CNTN5: variants seen among roughly 807,000 people sequenced by gnomAD.
The protein encoded by CNTN5 is contactin 5.
Under a neutral mutation model 129.1 loss-of-function variants are expected in CNTN5, and 77 were observed. The ratio of observed to expected loss-of-function variants is 0.60; its 90% CI spans 0.50 to 0.72. The LOEUF (loss-of-function observed/expected upper bound fraction) is 0.72, where lower values mean the gene tolerates loss of function less well. Among genes scored for constraint, CNTN5 ranks in the 30% least tolerant of loss-of-function variants. CNTN5 has a pLI of 0.00. For missense variants in CNTN5, 1,478 were observed against 1,328.8 expected (o/e 1.11, Z -1.75); for synonymous variants, 509 against 465.6 (o/e 1.09, Z -1.20).
Position 100,227,690 on chromosome 11 carries a change from T to G in CNTN5, c.2005+2878T>G, listed in dbSNP as rs946189089. ...ATAGAATGAATATGTTAGAAAAAAT[T>G]ATTTTGCTGAAATATAAAAGGAAAT... On this transcript the variant is annotated intron_variant, in intron 16 of 24. Transcript: ENST00000524871. Among the ~76,000 whole-genome samples, 3 of 152,304 alleles carry G rather than the reference T, an allele frequency of 2.0e-5. No individual in the cohort carries two copies. The East Asian group carries it at 5.8e-4, about 29-fold the overall frequency.
chr11:99,463,144 T>TAAATAAATAAAA (rs1351510432), intron 2 of CNTN5, among the ~76,000 whole-genome samples: 3 of 147,852 alleles, frequency 2.0e-5, no homozygotes, highest in African/African-American at 5.0e-5. Context: ...AATAAATAAA[T>TAAATAAATAAAA]AAAAGTAAAA....
intron 6 of CNTN5, among the ~76,000 whole-genome samples, chr11:99,874,264 C>G (rs1948578526): frequency 6.6e-6 from 1 of 152,252 alleles, no homozygotes; most frequent in Non-Finnish European, 1.5e-5. Flanking sequence ...TTCCTCCGTT[C>G]CTTTCCTTTT....
chr11:100,276,737 A>G (rs778441998), intron 18 of CNTN5, among the ~76,000 whole-genome samples: 65 of 152,064 alleles, frequency 4.3e-4, no homozygotes, highest in Non-Finnish European at 8.7e-4. Context: ...TGATACAGGC[A>G]TACAATGCTT....
intron 3 of CNTN5, among the ~76,000 whole-genome samples, chr11:99,815,043 G>GCC (rs11414540): frequency 5.3e-5 from 8 of 151,836 alleles, no homozygotes; most frequent in Non-Finnish European, 1.0e-4. Flanking sequence ...GGGGGAAACT[G>GCC]CCCCCCTGAC....
intron 1 of CNTN5, among the ~76,000 whole-genome samples, chr11:99,127,656 C>T (rs746552149): frequency 2.6e-5 from 4 of 152,184 alleles, no homozygotes; most frequent in African/African-American, 4.8e-5. Context: ...CCTATTCCTT[C>T]GGCTCTTTGC....
intron 16 of CNTN5, among the ~76,000 whole-genome samples, chr11:100,254,846 A>G (rs7108211): frequency 0.034 from 5,215 of 152,290 alleles, 325 homozygotes; most frequent in African/African-American, 0.12. Context: ...TCAAAATAAA[A>G]CATTATTGTG....
intron 3 of CNTN5, among the ~76,000 whole-genome samples, chr11:99,587,656 A>T (rs2851592): frequency 0.97 from 148,048 of 152,268 alleles, 72,112 homozygotes; most frequent in East Asian, 1. Flanking sequence ...TGTTATGAAG[A>T]TGGGGGTCAT....
intron 4 of CNTN5, among the ~76,000 whole-genome samples, chr11:99,825,561 A>G (rs752614499): frequency 2.0e-5 from 3 of 152,058 alleles, no homozygotes; most frequent in Admixed American, 1.3e-4. Context: ...TGGATGAAGC[A>G]TATTTTGTGG....
intron 7 of CNTN5, among the ~76,000 whole-genome samples, chr11:99,923,774 T>C (rs550871277): frequency 6.6e-6 from 1 of 151,580 alleles, no homozygotes; most frequent in South Asian, 2.1e-4. Flanking sequence ...TATCTATCTA[T>C]CTATCTATCT....
chr11:99,478,846 A>G (rs1945481026), intron 2 of CNTN5, among the ~76,000 whole-genome samples: 1 of 152,166 alleles, frequency 6.6e-6, no homozygotes, highest in Non-Finnish European at 1.5e-5. Context: ...TCTATTTAAT[A>G]GATATATTTC....
intron 3 of CNTN5, among the ~76,000 whole-genome samples, chr11:99,617,680 T>C (rs1318989371): frequency 2.0e-5 from 3 of 152,144 alleles, no homozygotes; most frequent in Non-Finnish European, 4.4e-5. Context: ...ATTACCAAAT[T>C]CTGTGCATTA....
At position 100,297,677 on chromosome 11, in the gene CNTN5, G is replaced by C; in HGVS notation, c.2367G>C (p.Glu789Asp). 6.2e-7 allele frequency: 1 copy of C among 1,603,210 alleles called. No homozygotes were observed. Among genetic ancestry groups the C allele is most frequent in the Non-Finnish European group, 8.5e-7 (1 of 1,173,718 alleles). The change falls in exon 19 of 25, where the codon GAG becomes GAC. Residue 789 changes from glutamate (E) to aspartate (D), a missense_variant. By Grantham distance (45) the Glu-to-Asp change is conservative. Coordinates refer to ENST00000524871, the MANE Select transcript of CNTN5 (RefSeq NM_014361.4). ...GCGGAAGAAGTGGAAGAAGGCATGA[G>C]TTAGTCATTGCCTGGGAGGTAAGAA... The part of the protein sequence containing the change: ...NVSGRSGRRH[E>D]LVIAWEPVSE...
At chr11:100,329,860 G>A (rs1951868525) in intron 21 of CNTN5, among the ~76,000 whole-genome samples, 1 of 152,134 alleles carries the variant, frequency 6.6e-6, no homozygotes, top group African/African-American at 2.4e-5. Context: ...CTCTAACATA[G>A]TCTACCCAAA....
intron 3 of CNTN5, among the ~76,000 whole-genome samples, chr11:99,558,029 G>T (rs1948728849): frequency 6.6e-6 from 1 of 151,728 alleles, no homozygotes; most frequent in Non-Finnish European, 1.5e-5. Context: ...TAAGAGACAT[G>T]CAAGGAAAAA....
intron 13 of CNTN5, among the ~76,000 whole-genome samples, chr11:100,159,012 T>TAACA (rs1184689139): frequency 6.6e-6 from 1 of 151,866 alleles, no homozygotes. Flanking sequence ...AAGCTATATC[T>TAACA]AACAATATAG....
chr11:99,957,027 T>A lies in CNTN5; in HGVS notation c.877+18T>A, dbSNP rs765358335. On this transcript the variant is annotated intron_variant, in intron 8 of 24. Coordinates refer to ENST00000524871, the MANE Select transcript of CNTN5 (RefSeq NM_014361.4). ...TAATGATGGTAAGTTGCTTGGCCCG[T>A]TAAAATGGTCAGCCAACTCTAATTT... The A allele has an allele frequency of 6.2e-7, 1 of 1,606,714 alleles. No homozygotes were observed. Among genetic ancestry groups the A allele is most frequent in the Non-Finnish European group, 8.5e-7 (1 of 1,175,036 alleles).
intron 1 of CNTN5, among the ~76,000 whole-genome samples, chr11:99,114,680 A>G (rs1857958435): frequency 6.6e-6 from 1 of 152,190 alleles, no homozygotes; most frequent in African/African-American, 2.4e-5. Flanking sequence ...AGTAGTAATC[A>G]ATACATAGCC....
intron 15 of CNTN5, among the ~76,000 whole-genome samples, chr11:100,209,164 A>G (rs1948972671): frequency 6.6e-6 from 1 of 152,224 alleles, no homozygotes; most frequent in Admixed American, 6.5e-5. Flanking sequence ...CCATTACTGT[A>G]GCAATCTACC....
chr11:100,230,984 C>T (rs1949475002), intron 16 of CNTN5, among the ~76,000 whole-genome samples: 1 of 152,190 alleles, frequency 6.6e-6, no homozygotes, highest in African/African-American at 2.4e-5. Flanking sequence ...CACTTCACAT[C>T]TGTGTAAGTT....
Sources: gnomAD v4.1 joint callset for allele counts (sites outside exome capture counted in the v4.1 genomes callset) on GRCh38, gnomAD v4.1.1 for gene constraint, MANE v1.5 for transcripts, NCBI Gene and HGNC (gene_info 2026-07-23, HGNC 2026-07-21) for gene names.